Variants in SIL1 observed in about 807,000 individuals in gnomAD.
SIL1 encodes nucleotide exchange factor SIL1.
In SIL1, 40 loss-of-function variants were observed where a neutral mutation model predicts 49.1. The observed-to-expected ratio is 0.81, with a 90% CI of 0.63 to 1.06. The LOEUF is 1.06. SIL1 is among the 50% of genes least tolerant of loss of function. SIL1 has a pLI of 0.00. For missense variants in SIL1, 500 were observed against 572.6 expected (o/e 0.87, Z 1.29); for synonymous variants, 253 against 250.8 (o/e 1.01, Z -0.08).
At chr5:139,080,308 G>A (rs1770045595) in intron 3 of SIL1, among the ~76,000 whole-genome samples, 1 of 152,126 alleles carries the variant, frequency 6.6e-6, no homozygotes, top group Admixed American at 6.5e-5. Flanking sequence ...AAAGCTGTGG[G>A]CTAATGTTGT....
At chr5:139,103,841 T>G (rs531035479) in intron 3 of SIL1, among the ~76,000 whole-genome samples, 2 of 152,154 alleles carry the variant, frequency 1.3e-5, no homozygotes, top group East Asian at 3.9e-4. Context: ...TCAAAGGACA[T>G]CCAATAAATG....
At chr5:139,078,339 A>G (rs1297713796) in intron 3 of SIL1, among the ~76,000 whole-genome samples, 1 of 152,188 alleles carries the variant, frequency 6.6e-6, no homozygotes, top group Non-Finnish European at 1.5e-5. Context: ...TAATTGACAA[A>G]AAACTTCCTA....
intron 3 of SIL1, among the ~76,000 whole-genome samples, chr5:139,107,113 T>G (rs1306990598): frequency 1.3e-5 from 2 of 152,200 alleles, no homozygotes; most frequent in Non-Finnish European, 2.9e-5. Flanking sequence ...GGATCTGATC[T>G]GGGGTGTGTG....
At chr5:139,119,282 C>T (rs2151792341) in intron 3 of SIL1, among the ~76,000 whole-genome samples, 1 of 152,290 alleles carries the variant, frequency 6.6e-6, no homozygotes, top group Non-Finnish European at 1.5e-5. Flanking sequence ...TAATAGCAGC[C>T]CCACTGCCCA....
chr5:139,167,089 G>T (rs940821742), intron 1 of SIL1, among the ~76,000 whole-genome samples: 4 of 152,168 alleles, frequency 2.6e-5, no homozygotes, highest in Admixed American at 6.5e-5. Flanking sequence ...TGAGATTACA[G>T]GCGTGAGCCA....
At chr5:139,170,539 A>C (rs1226533107) in intron 1 of SIL1, among the ~76,000 whole-genome samples, 2 of 140,876 alleles carry the variant, frequency 1.4e-5, no homozygotes, top group Admixed American at 1.4e-4. Context: ...GGATGTGAGA[A>C]GCACCTCTGC....
chr5:139,016,049 T>C (rs1000560765), intron 7 of SIL1, among the ~76,000 whole-genome samples: 1 of 151,852 alleles, frequency 6.6e-6, no homozygotes, highest in Non-Finnish European at 1.5e-5. Context: ...ATCACACCTG[T>C]GAAGAGCCCC....
intron 3 of SIL1, among the ~76,000 whole-genome samples, chr5:139,088,925 C>A (rs1170447373): frequency 6.6e-6 from 1 of 152,212 alleles, no homozygotes; most frequent in African/African-American, 2.4e-5. Context: ...ACTTCCTCCC[C>A]CTTCCTTTTG....
intron 1 of SIL1, among the ~76,000 whole-genome samples, chr5:139,160,011 A>G (rs1042798238): frequency 1.3e-5 from 2 of 152,146 alleles, no homozygotes; most frequent in South Asian, 2.1e-4. Flanking sequence ...CCATCCCTGA[A>G]GGTCAAGAGC....
At chr5:139,045,860 G>A (rs1298910891) in intron 4 of SIL1, among the ~76,000 whole-genome samples, 1 of 152,120 alleles carries the variant, frequency 6.6e-6, no homozygotes, top group African/African-American at 2.4e-5. Flanking sequence ...GTCCTCTTGA[G>A]TCTACCTCCA....
At chr5:139,036,438 C>A (rs1043609362) in intron 5 of SIL1, among the ~76,000 whole-genome samples, 1 of 152,010 alleles carries the variant, frequency 6.6e-6, no homozygotes, top group African/African-American at 2.4e-5. Flanking sequence ...TCAGATTTGT[C>A]AAAATAGCAA....
intron 7 of SIL1, among the ~76,000 whole-genome samples, chr5:138,997,114 G>C (rs550373509): frequency 2.6e-5 from 4 of 152,146 alleles, no homozygotes; most frequent in Admixed American, 6.5e-5. Context: ...ATTTTTTATA[G>C]AGAAGGGGTC....
At chr5:139,110,094 G>A (rs936484100) in intron 3 of SIL1, among the ~76,000 whole-genome samples, 8 of 151,536 alleles carry the variant, frequency 5.3e-5, no homozygotes, top group East Asian at 3.9e-4. Flanking sequence ...GCTTGAACCC[G>A]GCAGATGGAG....
chr5:138,969,638 G>A (rs983676071), intron 7 of SIL1, among the ~76,000 whole-genome samples: 2 of 152,230 alleles, frequency 1.3e-5, no homozygotes, highest in African/African-American at 4.8e-5. Flanking sequence ...GAGCCACACA[G>A]GGGAGCAACA....
intron 7 of SIL1, among the ~76,000 whole-genome samples, chr5:138,985,576 G>A (rs927083294): frequency 2.1e-4 from 32 of 152,286 alleles, no homozygotes; most frequent in African/African-American, 7.0e-4. Flanking sequence ...AGGAAGGAAG[G>A]AACTCAGGGC....
At chr5:139,070,112 C>T (rs893659063) in intron 3 of SIL1, among the ~76,000 whole-genome samples, 1 of 152,088 alleles carries the variant, frequency 6.6e-6, no homozygotes, top group Non-Finnish European at 1.5e-5. Context: ...TGAGAATATA[C>T]ATACAACACA....
At chr5:139,054,978 CCTG>C (rs1351229244) in intron 3 of SIL1, among the ~76,000 whole-genome samples, 12 of 152,250 alleles carry the variant, frequency 7.9e-5, no homozygotes, top group African/African-American at 2.9e-4. Flanking sequence ...TTCGAGAGCC[CCTG>C]TGACAGATGA....
chr5:138,965,464 T>G (rs1426693085), intron 7 of SIL1, among the ~76,000 whole-genome samples: 3 of 152,104 alleles, frequency 2.0e-5, no homozygotes, highest in Non-Finnish European at 4.4e-5. Context: ...GACCACATAA[T>G]TTATTGTCCA....
chr5:138,947,578 G>T lies in SIL1; in HGVS notation c.1030-105C>A. 3 of 980,726 alleles carry T rather than the reference G, an allele frequency of 3.1e-6. No individual in the cohort carries two copies. The highest frequency in any genetic ancestry group is 2.7e-5 in the South Asian group (2 of 74,872). The allele number at this position is 980,726 out of a possible 1,614,324, so 60.8% of individuals were successfully genotyped here. On this transcript the variant is annotated intron_variant, in intron 9 of 9. Coordinates refer to ENST00000394817, the MANE Select transcript of SIL1 (RefSeq NM_022464.5). This position sits in a 1 kb window ranked among gnomAD's most constrained non-coding sequence, Gnocchi z 4.1. ...CTAGCTCTGCCCTTCAGACAGGAAGGCACGAGGCTGACCCCTGAGGGCCCA... is the reference window on the plus strand; with the variant it reads ...CTAGCTCTGCCCTTCAGACAGGAAGTCACGAGGCTGACCCCTGAGGGCCCA...
Sources: gnomAD v4.1 joint callset for allele counts (sites outside exome capture counted in the v4.1 genomes callset) on GRCh38, gnomAD v4.1.1 for gene constraint, Gnocchi (gnomAD v3.1) non-coding constraint, MANE v1.5 for transcripts, NCBI Gene and HGNC (gene_info 2026-07-23, HGNC 2026-07-21) for gene names.